The following NFIA variants were observed in gnomAD, a reference collection of about 807,000 sequenced individuals.
The protein encoded by NFIA is nuclear factor I A, also known as nuclear factor 1 A-type.
In NFIA, 8 loss-of-function variants were observed where a neutral mutation model predicts 62.8. That is an observed-to-expected ratio of 0.13 (90% CI 0.07 to 0.23). The LOEUF is 0.23. Ranked by LOEUF, NFIA falls within the 10% of genes least tolerant of loss-of-function variation. NFIA has a pLI of 1.00. For synonymous variants in NFIA, 235 were observed against 238.1 expected, an observed-to-expected ratio of 0.99 and a Z score of 0.12; for missense variants, 410 against 642.1, an observed-to-expected ratio of 0.64 and a Z score of 3.91.
intron 2 of NFIA, among the ~76,000 whole-genome samples, chr1:61,153,757 T>C (rs1222623748): frequency 6.6e-6 from 1 of 152,214 alleles, no homozygotes; most frequent in East Asian, 1.9e-4. Flanking sequence ...TAGTTTATTC[T>C]TTTATGAGTT....
At chr1:61,340,183 T>C (rs576189585) in intron 4 of NFIA, among the ~76,000 whole-genome samples, 1 of 152,322 alleles carries the variant, frequency 6.6e-6, no homozygotes, top group East Asian at 1.9e-4. Flanking sequence ...ATTATAAAGA[T>C]TTGAACTGGG....
intron 2 of NFIA, among the ~76,000 whole-genome samples, chr1:61,193,130 A>G (rs1045788474): frequency 5.9e-5 from 9 of 152,222 alleles, no homozygotes; most frequent in African/African-American, 2.2e-4. Context: ...GGCTATTATC[A>G]TTGAATGTGC....
intron 3 of NFIA, among the ~76,000 whole-genome samples, chr1:61,293,177 C>A (rs185002059): frequency 6.6e-6 from 1 of 152,200 alleles, no homozygotes; most frequent in South Asian, 2.1e-4. Flanking sequence ...CCCTCCCTCT[C>A]TTCTCTGAGC....
In NFIA at chr1:61,387,516, CT is replaced by C. The variant is rs1315108886; in HGVS notation, c.1075+4154del. ...TGAGACGGAGTCTCGTCAAGCAGTA[CT>C]TTCAAAGTGAAACCTCCTCTCCTCC... On this transcript the variant is annotated intron_variant, in intron 7 of 10. Transcript: ENST00000403491. 9.5e-5 allele frequency among the ~76,000 whole-genome samples: 12 copies of C among 126,008 alleles called. No homozygotes were observed. In the Admixed American group the frequency reaches 1.1e-3, roughly 11 times the overall value. 82.7% of individuals were successfully genotyped at this position (126,008 alleles called of 152,430 possible). A position where few individuals can be genotyped will look rare whatever the true frequency, so the allele number is the denominator to read the frequency against.
chr1:61,207,093 T>C (rs750080975), intron 2 of NFIA, among the ~76,000 whole-genome samples: 5 of 152,164 alleles, frequency 3.3e-5, no homozygotes, highest in South Asian at 2.1e-4. Flanking sequence ...GGACCCTACA[T>C]CTGGGAGGGA....
chr1:61,146,833 T>G (rs201024304), intron 2 of NFIA, among the ~76,000 whole-genome samples: 2 of 2,726 alleles, frequency 7.3e-4, no homozygotes, highest in East Asian at 0.018. Flanking sequence ...TCTTTCATAG[T>G]TTTTTTTTTA....
chr1:61,115,335 G>A (rs1329508773), intron 2 of NFIA, among the ~76,000 whole-genome samples: 2 of 152,186 alleles, frequency 1.3e-5, no homozygotes, highest in Non-Finnish European at 2.9e-5. Context: ...CAGGTTGGTA[G>A]AAGAAATATA....
chr1:61,082,235 GAGCA>G (rs1193807723), upstream of NFIA: 1 of 536,404 alleles, frequency 1.9e-6, no homozygotes, highest in Non-Finnish European at 3.1e-6. Flanking sequence ...GCGGGAGAGC[GAGCA>G]AGCGAGCGAG....
chr1:61,305,459 G>T (rs1014552565), intron 3 of NFIA, among the ~76,000 whole-genome samples: 1 of 152,222 alleles, frequency 6.6e-6, no homozygotes, highest in Admixed American at 6.5e-5. Flanking sequence ...AGAAGTATTA[G>T]AGAGGTTGCA....
chr1:61,118,210 A>AG (rs1311020776), intron 2 of NFIA, among the ~76,000 whole-genome samples: 1 of 151,504 alleles, frequency 6.6e-6, no homozygotes, highest in Non-Finnish European at 1.5e-5. Context: ...AAAAAAGAAA[A>AG]GAAAAAAAAG....
At chr1:61,166,477 T>C (rs1343046266) in intron 2 of NFIA, among the ~76,000 whole-genome samples, 1 of 152,142 alleles carries the variant, frequency 6.6e-6, no homozygotes, top group Non-Finnish European at 1.5e-5. Context: ...AGAAGAAAAA[T>C]AGCAGATGGG....
intron 2 of NFIA, among the ~76,000 whole-genome samples, chr1:61,112,827 CATTG>C (rs1463447135): frequency 6.6e-6 from 1 of 152,140 alleles, no homozygotes; most frequent in African/African-American, 2.4e-5. Context: ...ATTTCATATG[CATTG>C]ATTATTATTG....
intron 2 of NFIA, among the ~76,000 whole-genome samples, chr1:61,089,444 G>A (rs560852562): frequency 6.6e-6 from 1 of 152,116 alleles, no homozygotes. Flanking sequence ...AGAATAGCAT[G>A]CAGGATAAAA....
chr1:61,409,143 A>G (rs1665983701), intron 9 of NFIA, among the ~76,000 whole-genome samples: 1 of 152,218 alleles, frequency 6.6e-6, no homozygotes, highest in African/African-American at 2.4e-5. Flanking sequence ...TTAGAGCAGC[A>G]CTTAAGATTT....
intron 2 of NFIA, among the ~76,000 whole-genome samples, chr1:61,175,438 G>C (rs1650274763): frequency 6.6e-6 from 1 of 152,128 alleles, no homozygotes; most frequent in Admixed American, 6.5e-5. Context: ...CACAGCGCCT[G>C]GCCCTTATCA....
intron 2 of NFIA, among the ~76,000 whole-genome samples, chr1:61,094,514 CT>C (rs1646378036): frequency 6.6e-6 from 1 of 152,032 alleles, no homozygotes; most frequent in Non-Finnish European, 1.5e-5. Flanking sequence ...TGCAAAAATT[CT>C]TTTTAGAATT....
intron 9 of NFIA, among the ~76,000 whole-genome samples, chr1:61,424,342 C>G (rs1036183052): frequency 7.1e-6 from 1 of 141,514 alleles, no homozygotes; most frequent in Admixed American, 7.2e-5. Flanking sequence ...AAAAATGACA[C>G]CCCCCCCTCA....
At chr1:61,218,958 G>A (rs72929847) in intron 2 of NFIA, among the ~76,000 whole-genome samples, 14,194 of 152,228 alleles carry the variant, frequency 0.093, 827 homozygotes, top group African/African-American at 0.16. Context: ...TCAGCCAGGC[G>A]TGGTGGCTCA....
intron 3 of NFIA, among the ~76,000 whole-genome samples, chr1:61,326,746 C>T (rs1660960552): frequency 6.6e-6 from 1 of 152,160 alleles, no homozygotes; most frequent in African/African-American, 2.4e-5. Flanking sequence ...CCAGGGAAGA[C>T]TTTTGTGAGA....
Sources: allele counts gnomAD v4.1 joint callset (sites outside exome capture counted in the v4.1 genomes callset), GRCh38; gene constraint gnomAD v4.1.1; transcripts MANE v1.5; gene names NCBI Gene and HGNC (gene_info 2026-07-23, HGNC 2026-07-21).